CDCA2: variants seen among roughly 807,000 people sequenced by gnomAD.
The protein encoded by CDCA2 is cell division cycle-associated protein 2.
A neutral mutation model predicts 67.0 loss-of-function variants in CDCA2; 44 were observed. The ratio of observed to expected loss-of-function variants is 0.66; its 90% CI spans 0.52 to 0.84. The LOEUF (loss-of-function observed/expected upper bound fraction) is 0.84. CDCA2 is among the 40% of genes least tolerant of loss of function. The pLI is 0.00. For synonymous variants in CDCA2, 447 were observed against 418.7 expected, an observed-to-expected ratio of 1.07 and a Z score of -0.82; for missense variants, 1,253 against 1,203.2, an observed-to-expected ratio of 1.04 and a Z score of -0.61.
intron 7 of CDCA2, among the ~76,000 whole-genome samples, chr8:25,473,205 T>C (rs1302746941): frequency 6.6e-6 from 1 of 152,242 alleles, no homozygotes; most frequent in Non-Finnish European, 1.5e-5. Flanking sequence ...TAGGGTTAAA[T>C]AGTATTCTGC....
At chr8:25,461,126 G>C (rs978515639) in intron 3 of CDCA2, among the ~76,000 whole-genome samples, 1 of 151,964 alleles carries the variant, frequency 6.6e-6, no homozygotes, top group African/African-American at 2.4e-5. Context: ...AATTAGCCGG[G>C]CATGGTGGTG....
At chr8:25,485,618 A>G in intron 10 of CDCA2, 141 bp from the exon 11 acceptor site, 1 of 495,864 alleles carries the variant, frequency 2.0e-6, no homozygotes, top group Admixed American at 3.8e-5. Flanking sequence ...TTTGCTTTGA[A>G]TTTTAGAATC....
intron 12 of CDCA2, 129 bp from the exon 13 acceptor site, chr8:25,488,423 T>G: frequency 1.3e-6 from 1 of 760,250 alleles, no homozygotes. Context: ...TTAATAAGGT[T>G]TGTGAATTAA....
chr8:25,504,026 A>C (rs943050397), intron 14 of CDCA2, among the ~76,000 whole-genome samples: 1 of 152,160 alleles, frequency 6.6e-6, no homozygotes, highest in South Asian at 2.1e-4. Flanking sequence ...ATCTCTTAAA[A>C]AAAAAAGGAA....
intron 9 of CDCA2, 138 bp downstream of exon 9, chr8:25,483,624 A>G: frequency 1.6e-6 from 1 of 637,442 alleles, no homozygotes; most frequent in Non-Finnish European, 2.6e-6. Context: ...AACAGTTGAG[A>G]AGGTTAGAAT....
intron 13 of CDCA2, among the ~76,000 whole-genome samples, chr8:25,500,396 G>A (rs1804425812): frequency 6.6e-6 from 1 of 151,912 alleles, no homozygotes; most frequent in African/African-American, 2.4e-5. Flanking sequence ...AAAATTAAAA[G>A]TATATGAAGT....
intron 4 of CDCA2, among the ~76,000 whole-genome samples, chr8:25,463,772 G>A (rs971991802): frequency 4.6e-5 from 7 of 152,180 alleles, no homozygotes; most frequent in East Asian, 1.9e-4. Flanking sequence ...GGCTTCCTGC[G>A]ATCCCTTGAA....
In CDCA2 at chr8:25,483,383, T is replaced by A. The variant is rs1803643006; in HGVS notation, c.1033-16T>A. The stretch of plus-strand genomic sequence containing the variant: ...TTCTATATGTAAAATTATTCATTAA[T>A]GTTTATTCTGTTTAGGAACACTGTA... On this transcript the variant is annotated splice_polypyrimidine_tract_variant and intron_variant, in intron 8 of 14. Coordinates refer to ENST00000330560, the MANE Select transcript of CDCA2 (RefSeq NM_152562.4). 6.6e-7 allele frequency: 1 copy of A among 1,510,558 alleles called. No homozygotes were observed. The highest frequency in any genetic ancestry group is 2.1e-5 in the Admixed American group (1 of 48,656). 93.6% of individuals were successfully genotyped at this position (1,510,558 alleles called of 1,614,324 possible). A position where few individuals can be genotyped will look rare whatever the true frequency, so the allele number is the denominator to read the frequency against.
chr8:25,500,859 G>A (rs949564912), intron 13 of CDCA2, among the ~76,000 whole-genome samples: 2 of 152,204 alleles, frequency 1.3e-5, no homozygotes, highest in African/African-American at 4.8e-5. Flanking sequence ...TTTTGCAGAG[G>A]AGAATGAGGT....
intron 6 of CDCA2, 115 bp downstream of exon 6, chr8:25,468,528 C>CT: frequency 2.6e-6 from 1 of 389,976 alleles, no homozygotes; most frequent in Non-Finnish European, 4.4e-6. Flanking sequence ...CCTGTGGTTC[C>CT]TGGGGTGTGT....
At chr8:25,463,055 T>C (rs1448380974) in intron 4 of CDCA2, among the ~76,000 whole-genome samples, 1 of 151,140 alleles carries the variant, frequency 6.6e-6, no homozygotes, top group Admixed American at 6.6e-5. Flanking sequence ...AATTTTTTTT[T>C]CTAGTTAAGA....
At chr8:25,461,967 C>A in intron 3 of CDCA2, 87 bp from the exon 4 acceptor site, 1 of 1,304,836 alleles carries the variant, frequency 7.7e-7, no homozygotes, top group South Asian at 1.3e-5. Context: ...CATGTTTTCT[C>A]TCTCAGGCTG....
chr8:25,466,942 T>G (rs1439854013), intron 5 of CDCA2, among the ~76,000 whole-genome samples: 1 of 146,866 alleles, frequency 6.8e-6, no homozygotes, highest in Non-Finnish European at 1.5e-5. Context: ...CTGGGGAGGC[T>G]GAGGCAGGAG....
At chr8:25,468,532 G>GGTGT (rs3841182) in intron 6 of CDCA2, 119 bp downstream of exon 6, 103,069 of 420,510 alleles carry the variant, frequency 0.25, 6,685 homozygotes, top group Middle Eastern at 0.27. Flanking sequence ...TGGTTCCTGG[G>GGTGT]GTGTGTGTGT....
chr8:25,483,349 T>A (rs749375227), intron 8 of CDCA2, 50 bp from the exon 9 acceptor site: 3 of 1,224,244 alleles, frequency 2.5e-6, no homozygotes, highest in Non-Finnish European at 1.1e-6. Flanking sequence ...AATGATGACG[T>A]CTATGTATTT....
intron 5 of CDCA2, among the ~76,000 whole-genome samples, chr8:25,467,097 G>C (rs1200560327): frequency 7.2e-6 from 1 of 138,210 alleles, no homozygotes; most frequent in African/African-American, 2.7e-5. Context: ...TATCCAATCT[G>C]ATAATCTGCT....
At position 25,507,867 on chromosome 8, in the gene CDCA2, T is replaced by G. The variant is rs913148487; in HGVS notation, c.*129T>G. 1.2e-5 allele frequency: 10 copies of G among 844,606 alleles called. No homozygotes were observed. The highest frequency in any genetic ancestry group is 7.5e-4 in the Middle Eastern group (2 of 2,676). The allele number at this position is 844,606 out of a possible 1,614,324, so 52.3% of individuals were successfully genotyped here. A position where few individuals can be genotyped will look rare whatever the true frequency, so the allele number is the denominator to read the frequency against. On this transcript the variant is annotated 3_prime_UTR_variant, in exon 15 of 15. Transcript: ENST00000330560. ...TCCTAATAAATAAACTCATTTGAGT[T>G]GAACCTACTTTTATGTAGAAATAAA...
intron 11 of CDCA2, among the ~76,000 whole-genome samples, chr8:25,486,227 T>G (rs548839184): frequency 6.6e-6 from 1 of 152,236 alleles, no homozygotes. Flanking sequence ...TTTTAGCACA[T>G]GTGCTTTCCA....
At chr8:25,462,283 A>G (rs1167343114) in intron 4 of CDCA2, 75 bp downstream of exon 4, 3 of 1,448,624 alleles carry the variant, frequency 2.1e-6, no homozygotes, top group South Asian at 1.2e-5. Flanking sequence ...CTTCTAGTGC[A>G]TCTGCTCTGT....
Sources: gnomAD v4.1 joint callset for allele counts (sites outside exome capture counted in the v4.1 genomes callset) on GRCh38, gnomAD v4.1.1 for gene constraint, MANE v1.5 for transcripts, NCBI Gene and HGNC (gene_info 2026-07-23, HGNC 2026-07-21) for gene names.